The following NBPF12 variants were observed in gnomAD, a reference collection of about 807,000 sequenced individuals.
The protein encoded by NBPF12 is NBPF member 12.
Under a neutral mutation model 146.4 loss-of-function variants are expected in NBPF12, and 115 were observed. The ratio of observed to expected loss-of-function variants is 0.79; its 90% CI spans 0.68 to 0.92. The LOEUF (loss-of-function observed/expected upper bound fraction) is 0.92. Ranked by LOEUF, NBPF12 falls within the 40% of genes least tolerant of loss-of-function variation. The probability of loss-of-function intolerance (pLI) is 0.00; values close to 1 mark genes in which losing one functional copy is unlikely to be tolerated. For missense variants in NBPF12, 1,205 were observed against 1,326.8 expected, an observed-to-expected ratio of 0.91 and a Z score of 1.43; for synonymous variants, 385 against 508.9, an observed-to-expected ratio of 0.76 and a Z score of 3.28.
chr1:146,955,013 TAC>T (rs1228510348), intron 2 of NBPF12, among the ~76,000 whole-genome samples: 12 of 67,462 alleles, frequency 1.8e-4, no homozygotes, highest in Non-Finnish European at 2.5e-4. Flanking sequence ...TATATATATA[TAC>T]ACACACACAC....
chr1:146,965,003 A>G (rs1656097495), exon 8 of NBPF12: 1 of 1,608,382 alleles, frequency 6.2e-7, no homozygotes, highest in Non-Finnish European at 8.5e-7. Context: ...CCTCACAAGA[A>G]CATCAAAATC....
At chr1:146,962,628 C>T (rs1167468160) in intron 5 of NBPF12, among the ~76,000 whole-genome samples, 6 of 151,298 alleles carry the variant, frequency 4.0e-5, no homozygotes, top group Non-Finnish European at 8.8e-5. Flanking sequence ...TGCGTCTTCT[C>T]ATTCTTTCAC....
chr1:146,946,819 A>AC (rs1394795825), upstream of NBPF12, among the ~76,000 whole-genome samples: 12 of 151,106 alleles, frequency 7.9e-5, no homozygotes, highest in African/African-American at 2.9e-4. Flanking sequence ...ATGGTTTTGC[A>AC]CTTACATTTA....
upstream of NBPF12, among the ~76,000 whole-genome samples, chr1:146,945,469 C>T (rs1158695421): frequency 5.3e-5 from 8 of 151,872 alleles, no homozygotes; most frequent in African/African-American, 1.7e-4. Context: ...AGCTGTGTTC[C>T]GGGGGCACCC....
At chr1:146,944,712 G>C (rs1343171112), upstream of NBPF12, among the ~76,000 whole-genome samples, 1 of 151,824 alleles carries the variant, frequency 6.6e-6, no homozygotes, top group African/African-American at 2.4e-5. Context: ...TAACTAGTTA[G>C]CATGTTCCTG....
rs1224364752 is a variant in NBPF12 at position 146,955,984 on chromosome 1, CT to C, written c.-183-3864del. Among the ~76,000 whole-genome samples the C allele has an allele frequency of 7.1e-3, 1,037 of 146,896 alleles. 20 individuals are homozygous for C. Among genetic ancestry groups the C allele is most frequent in the African/African-American group, 0.024 (944 of 40,146 alleles). On this transcript the variant is annotated intron_variant, in intron 2 of 33. Transcript: ENST00000617844. The stretch of plus-strand genomic sequence containing the variant: ...AGCCTTTGTATAAGGGCACTGGCTT[CT>C]TTTTTTTTTTCCTCTTAATATTTAA...
At chr1:146,954,832 C>A (rs1655494578) in intron 2 of NBPF12, among the ~76,000 whole-genome samples, 1 of 147,862 alleles carries the variant, frequency 6.8e-6, no homozygotes, top group Non-Finnish European at 1.5e-5. Flanking sequence ...AATAGATACT[C>A]ACATGTATGT....
upstream of NBPF12, among the ~76,000 whole-genome samples, chr1:146,948,851 C>CG (rs1655193271): frequency 6.6e-6 from 1 of 151,112 alleles, no homozygotes; most frequent in African/African-American, 2.4e-5. Context: ...GGTGTAAAGC[C>CG]CGATTGTATA....
At chr1:146,957,985 GTGTATA>G (rs1655677767) in intron 2 of NBPF12, among the ~76,000 whole-genome samples, 1 of 116,284 alleles carries the variant, frequency 8.6e-6, no homozygotes, top group East Asian at 2.9e-4. Flanking sequence ...ATATATGTGT[GTGTATA>G]TATATATATA....
chr1:146,994,413 G>C (rs1258757486), exon 34 of NBPF12: 2 of 1,612,264 alleles, frequency 1.2e-6, no homozygotes, highest in Admixed American at 1.7e-5. Context: ...CTCCATCAAT[G>C]TACTTTGAAC....
chr1:146,984,575 CACTGTG>C, intron 21 of NBPF12, among the ~76,000 whole-genome samples: 1 of 125,200 alleles, frequency 8.0e-6, no homozygotes, highest in Admixed American at 8.1e-5. Context: ...ACTGAGCTCA[CACTGTG>C]TGTGTGTGTG....
At chr1:146,995,875 G>T (rs1308771176) in exon 34 of NBPF12, 1 of 150,086 alleles carries the variant, frequency 6.7e-6, no homozygotes, top group Non-Finnish European at 1.5e-5. Context: ...GTATTCTAAT[G>T]ATCATCCTCT....
At chr1:146,981,670 C>T (rs1657404974) in intron 19 of NBPF12, among the ~76,000 whole-genome samples, 2 of 151,890 alleles carry the variant, frequency 1.3e-5, no homozygotes, top group Non-Finnish European at 1.5e-5. Flanking sequence ...GTTCCATTCT[C>T]CCCATCACTT....
chr1:146,962,737 T>C (rs1195011083), intron 5 of NBPF12, among the ~76,000 whole-genome samples: 2 of 148,662 alleles, frequency 1.3e-5, no homozygotes, highest in Non-Finnish European at 3.0e-5. Context: ...CATGGCTTTG[T>C]ATCTAGTGGC....
intron 12 of NBPF12, 109 bp from the exon 16 acceptor site, chr1:146,971,074 T>G: frequency 6.3e-7 from 1 of 1,575,686 alleles, no homozygotes; most frequent in Non-Finnish European, 8.7e-7. Context: ...CCATTTTGCT[T>G]TCTGGGACCA....
In NBPF12 at chr1:146,971,319, A is replaced by C; in HGVS notation, c.1516A>C (p.Lys506Gln). ...CATCAAAATCACATTTGAGGAAGAC[A>C]AAGTCAACTCATCTCTGGTTGTAGA... is the stretch of plus-strand genomic sequence containing the variant. Residue 506 changes from lysine to glutamine, a missense_variant, in exon 13 of 34, where the codon AAA (lysine) becomes CAA (glutamine). By Grantham distance (53) the Lys-to-Gln change is moderately conservative (BLOSUM62 1). Transcript: ENST00000617844. 6 of 1,612,196 alleles carry C rather than the reference A, an allele frequency of 3.7e-6. 1 individual carries two copies. The South Asian group carries it at 6.6e-5, about 18-fold the overall frequency.
At chr1:146,962,491 G>T (rs1207605441) in intron 5 of NBPF12, among the ~76,000 whole-genome samples, 2 of 151,714 alleles carry the variant, frequency 1.3e-5, no homozygotes, top group African/African-American at 4.9e-5. Flanking sequence ...AGTAATTGTT[G>T]AGGTGAAATT....
chr1:146,940,731 T>G (rs1413651232), intron 1 of NBPF12, among the ~76,000 whole-genome samples: 1 of 152,062 alleles, frequency 6.6e-6, no homozygotes, highest in Non-Finnish European at 1.5e-5. Context: ...CCAAAGTGTT[T>G]TATCAGGTAG....
In NBPF12 at chr1:146,960,370, C is replaced by T. The variant is rs1655773758; in HGVS notation, c.175+52C>T. 9.5e-5 allele frequency: 132 copies of T among 1,387,742 alleles called. 1 individual carries two copies. In the South Asian group the frequency reaches 1.4e-3, roughly 15 times the overall value. The allele number at this position is 1,387,742 out of a possible 1,614,324, so 86.0% of individuals were successfully genotyped here. A position where few individuals can be genotyped will look rare whatever the true frequency, so the allele number is the denominator to read the frequency against. ...AAAGTGATGAATGATGTCCTGTCTTCTCTCTGAGACACTAAATGCTCTCTC... is the reference window on the plus strand; with the variant it reads ...AAAGTGATGAATGATGTCCTGTCTTTTCTCTGAGACACTAAATGCTCTCTC... On this transcript the variant is annotated intron_variant, in intron 4 of 33. Transcript: ENST00000617844.
Sources: gnomAD v4.1 joint callset for allele counts (sites outside exome capture counted in the v4.1 genomes callset) on GRCh38, gnomAD v4.1.1 for gene constraint, MANE v1.5 for transcripts, NCBI Gene and HGNC (gene_info 2026-07-23, HGNC 2026-07-21) for gene names.